Variants in SP140 observed in about 807,000 individuals in gnomAD.
SP140 encodes nuclear body protein SP140.
In SP140, 81 loss-of-function variants were observed where a neutral mutation model predicts 125.0. The observed-to-expected ratio is 0.65, with a 90% confidence interval of 0.54 to 0.78. SP140 has a LOEUF of 0.78. SP140 is among the 30% of genes least tolerant of loss of function. The pLI is 0.00. For missense variants in SP140, 858 were observed against 1,037.0 expected, an observed-to-expected ratio of 0.83 and a Z score of 2.37; for synonymous variants, 312 against 354.0, an observed-to-expected ratio of 0.88 and a Z score of 1.33.
At chr2:230,284,284 T>C (rs536931431) in intron 15 of SP140, 62 bp from the exon 16 acceptor site, 2 of 1,474,578 alleles carry the variant, frequency 1.4e-6, no homozygotes, top group East Asian at 4.7e-5. Context: ...TATTGGCATA[T>C]AAAACTCAGA....
At chr2:230,267,668 T>G (rs2053329292) in intron 12 of SP140, among the ~76,000 whole-genome samples, 1 of 152,154 alleles carries the variant, frequency 6.6e-6, no homozygotes, top group Non-Finnish European at 1.5e-5. Context: ...GAACATTTTG[T>G]CGGGGAGATT....
At chr2:230,188,479 T>A in the SP140 span, among the ~76,000 whole-genome samples, 1 of 152,220 alleles carries the variant, frequency 6.6e-6, no homozygotes. Context: ...GTCATTTATT[T>A]CTTTCTCTTT....
At chr2:230,218,026 C>G (rs753634785) in intron 3 of SP140, among the ~76,000 whole-genome samples, 7 of 152,210 alleles carry the variant, frequency 4.6e-5, no homozygotes, top group Non-Finnish European at 1.0e-4. Context: ...TTTTCCCATG[C>G]CCATGCAGCA....
intron 15 of SP140, among the ~76,000 whole-genome samples, chr2:230,275,918 A>C (rs1214757778): frequency 6.6e-6 from 1 of 152,208 alleles, no homozygotes; most frequent in Non-Finnish European, 1.5e-5. Flanking sequence ...GCCAAGCCTT[A>C]ATCCAGAGTG....
chr2:230,237,479 G>A lies in SP140; in HGVS notation c.237+219G>A. The A allele has an allele frequency of 2.0e-6, 1 of 504,340 alleles. No individual in the cohort carries two copies. Among genetic ancestry groups the A allele is most frequent in the Non-Finnish European group, 3.5e-6 (1 of 285,854 alleles). 31.2% of individuals were successfully genotyped at this position (504,340 alleles called of 1,614,324 possible). A position where few individuals can be genotyped will look rare whatever the true frequency, so the allele number is the denominator to read the frequency against. On this transcript the variant is annotated intron_variant, in intron 2 of 26. Transcript: ENST00000392045. The surrounding 1 kb of genome is among the most constrained non-coding windows in gnomAD (Gnocchi z 5.4). ...AGTGAGGGAGGTGGGGCAGGAGAGA[G>A]AATGGGAATGCTGTATGGGTGCAGA...
chr2:230,300,576 G>A (rs761161694), intron 22 of SP140, among the ~76,000 whole-genome samples: 14 of 152,074 alleles, frequency 9.2e-5, no homozygotes, highest in African/African-American at 2.7e-4. Flanking sequence ...TTTGGCTCTC[G>A]GGAAGCCCAT....
chr2:230,218,368 C>T (rs1352469065), intron 3 of SP140, among the ~76,000 whole-genome samples: 2 of 152,130 alleles, frequency 1.3e-5, no homozygotes, highest in African/African-American at 4.8e-5. Context: ...GAATAATCCG[C>T]AATCGCATAG....
chr2:230,245,497 T>C (rs1217359727), intron 6 of SP140, among the ~76,000 whole-genome samples: 1 of 152,002 alleles, frequency 6.6e-6, no homozygotes, highest in African/African-American at 2.4e-5. Flanking sequence ...GTTAGAAGAA[T>C]GAATAGGGAT....
intron 22 of SP140, among the ~76,000 whole-genome samples, chr2:230,302,680 T>C (rs1340617748): frequency 1.3e-5 from 2 of 152,082 alleles, no homozygotes; most frequent in Admixed American, 1.3e-4. Flanking sequence ...TCTCAACAAA[T>C]TTAAGAAAAT....
chr2:230,261,408 T>C (rs1294119191), intron 12 of SP140, among the ~76,000 whole-genome samples: 1 of 152,204 alleles, frequency 6.6e-6, no homozygotes, highest in Admixed American at 6.5e-5. Context: ...ACAGTGAGAA[T>C]TTGACTTCCT....
At chr2:230,224,470 GGAGGGAGAGA>G (rs1559195774), upstream of SP140, among the ~76,000 whole-genome samples, 5 of 141,946 alleles carry the variant, frequency 3.5e-5, no homozygotes, top group South Asian at 6.4e-4. Context: ...GGAGGGAGAG[GGAGGGAGAGA>G]GAGGGAGAGA....
intron 4 of SP140, among the ~76,000 whole-genome samples, chr2:230,242,336 A>G (rs16826915): frequency 1.8e-3 from 273 of 152,292 alleles, no homozygotes; most frequent in Admixed American, 3.3e-3. Flanking sequence ...GGTTTGAGGT[A>G]AGAGCACTGG....
intron 1 of SP140, among the ~76,000 whole-genome samples, chr2:230,235,583 G>A (rs998836076): frequency 6.6e-5 from 10 of 152,086 alleles, no homozygotes; most frequent in African/African-American, 2.4e-4. Context: ...TTTAAGGAAT[G>A]GAAAGTCCCA....
intron 18 of SP140, among the ~76,000 whole-genome samples, chr2:230,288,469 C>G (rs2056696846): frequency 1.0e-5 from 1 of 97,800 alleles, no homozygotes; most frequent in African/African-American, 3.8e-5. Flanking sequence ...TTCTTTCTTT[C>G]TTTCTTTCTT....
At chr2:230,256,092 A>G (rs2051145452) in intron 12 of SP140, among the ~76,000 whole-genome samples, 2 of 152,226 alleles carry the variant, frequency 1.3e-5, no homozygotes, top group Non-Finnish European at 1.5e-5. Flanking sequence ...AAACTAGTTC[A>G]ACCATTGTGG....
At chr2:230,214,867 A>G (rs1231547718) in intron 3 of SP140, 2 of 1,161,746 alleles carry the variant, frequency 1.7e-6, no homozygotes, top group Non-Finnish European at 2.6e-6. Flanking sequence ...ATTAACGTGC[A>G]TATTCCACAG....
Position 230,248,058 on chromosome 2 carries a change from A to G in SP140, c.885A>G (p.Arg295=), listed in dbSNP as rs1023190725. 2 of 1,613,408 alleles carry G rather than the reference A, an allele frequency of 1.2e-6. No individual in the cohort carries two copies. The highest frequency in any genetic ancestry group is 1.7e-6 in the Non-Finnish European group (2 of 1,179,626). ...AGTACCAAGAGAGTCCAGAGGGAAGAGACAAAGGTAGGAACAGAAGAAGCA... is the reference window on the plus strand; with the variant it reads ...AGTACCAAGAGAGTCCAGAGGGAAGGGACAAAGGTAGGAACAGAAGAAGCA... ...KEKYQESPEG[R]DKETFDLKTP... is the part of the protein sequence containing the mutation. The change falls in exon 8 of 27, where the codon AGA becomes AGG. Residue 295 remains arginine (R), a synonymous_variant. Coordinates refer to ENST00000392045, the MANE Select transcript of SP140 (RefSeq NM_007237.5).
chr2:230,284,337 G>T lies in SP140; in HGVS notation c.1499-9G>T, dbSNP rs751930935. Reference sequence around the variant, plus strand: ...CTGCATAATTAACTTTATTCTCTTTGGTTTGAAGGAAAAAAGAGGGGGCAT... The same window carrying T: ...CTGCATAATTAACTTTATTCTCTTTTGTTTGAAGGAAAAAAGAGGGGGCAT... On this transcript the variant is annotated splice_polypyrimidine_tract_variant and intron_variant, in intron 15 of 26. Transcript: ENST00000392045. The T allele has an allele frequency of 2.5e-6, 4 of 1,602,082 alleles. No individual in the cohort carries two copies. The highest frequency in any genetic ancestry group is 2.2e-5 in the East Asian group (1 of 44,706).
upstream of SP140, among the ~76,000 whole-genome samples, chr2:230,201,552 T>C (rs1362444233): frequency 2.6e-5 from 4 of 152,248 alleles, no homozygotes; most frequent in Non-Finnish European, 5.9e-5. Flanking sequence ...TTATTAATTT[T>C]ATTAAATTTC....
Sources: allele counts gnomAD v4.1 joint callset (sites outside exome capture counted in the v4.1 genomes callset), GRCh38; gene constraint gnomAD v4.1.1; non-coding constraint Gnocchi (gnomAD v3.1); transcripts MANE v1.5; gene names NCBI Gene and HGNC (gene_info 2026-07-23, HGNC 2026-07-21).